The following ZPR1 variants were observed in gnomAD, a reference collection of about 807,000 sequenced individuals.
ZPR1 encodes the protein ZPR1 zinc finger.
A neutral mutation model predicts 59.6 loss-of-function variants in ZPR1; 37 were observed. The observed-to-expected ratio is 0.62, with a 90% confidence interval of 0.48 to 0.82. The LOEUF (loss-of-function observed/expected upper bound fraction) is 0.82, where lower values mean the gene tolerates loss of function less well. ZPR1 is among the 40% of genes least tolerant of loss of function. ZPR1 has a pLI of 0.00. For missense variants in ZPR1, 527 were observed against 579.9 expected, an observed-to-expected ratio of 0.91 and a Z score of 0.94; for synonymous variants, 191 against 215.2, an observed-to-expected ratio of 0.89 and a Z score of 0.99.
chr11:116,783,075 A>G, intron 10 of ZPR1, 46 bp from the exon 11 acceptor site: 1 of 1,518,386 alleles, frequency 6.6e-7, no homozygotes, highest in Non-Finnish European at 9.1e-7. Context: ...GAAGCAAAGA[A>G]AGCCAACCAG....
At position 116,784,930 on chromosome 11, in the gene ZPR1, C is replaced by T; in HGVS notation, c.754-9G>A. The T allele has an allele frequency of 6.2e-7, 1 of 1,614,108 alleles. No individual in the cohort carries two copies. Among genetic ancestry groups the T allele is most frequent in the Middle Eastern group, 1.7e-4 (1 of 6,060 alleles). ...GTGCTGAACTGGAGCACCTGGAACACAACATGAGGACAAAGGGTGAGCCCT... is the reference window on the plus strand; with the variant it reads ...GTGCTGAACTGGAGCACCTGGAACATAACATGAGGACAAAGGGTGAGCCCT... On this transcript the variant is annotated splice_polypyrimidine_tract_variant and intron_variant, in intron 7 of 13. Transcript: ENST00000227322.
In ZPR1 at chr11:116,776,362, C is replaced by T. The variant is rs1251608175; in HGVS notation, c.*2563G>A. ...GCGAGACCCTTTCCCTATCTTTTTA[C>T]CTATAGATGTTATCCCTAGTGTCCT... On this transcript the variant is annotated 3_prime_UTR_variant, in exon 14 of 14. Transcript: ENST00000227322. 6.6e-6 allele frequency: 1 copy of T among 152,184 alleles called. No homozygotes were observed. The highest frequency in any genetic ancestry group is 1.5e-5 in the Non-Finnish European group (1 of 68,040). 9.4% of individuals were successfully genotyped at this position (152,184 alleles called of 1,614,324 possible).
intron 8 of ZPR1, 184 bp from the exon 9 acceptor site, chr11:116,784,632 C>A: frequency 1.2e-6 from 1 of 808,332 alleles, no homozygotes; most frequent in Admixed American, 2.0e-5. Context: ...CCTGTTCACA[C>A]ATTTGAAGGC....
rs1277259032 is a variant in ZPR1, at chr11:116,777,250, G to C, written c.*1675C>G. On this transcript the variant is annotated 3_prime_UTR_variant, in exon 14 of 14. Transcript: ENST00000227322. ...AGATGGTCCACTATCAAATGTGACA[G>C]AAATAGATAACACTTTCCAAGTGGA... The C allele has an allele frequency of 6.6e-6, 1 of 152,252 alleles. No homozygotes were observed. Among genetic ancestry groups the C allele is most frequent in the Non-Finnish European group, 1.5e-5 (1 of 68,040 alleles). 9.4% of individuals were successfully genotyped at this position (152,252 alleles called of 1,614,324 possible).
intron 4 of ZPR1, among the ~76,000 whole-genome samples, chr11:116,786,208 T>C (rs980448495): frequency 2.0e-5 from 3 of 152,160 alleles, no homozygotes; most frequent in Non-Finnish European, 4.4e-5. Flanking sequence ...CTATAATATA[T>C]TACTTCTGTC....
chr11:116,785,395 C>T, intron 6 of ZPR1, 119 bp downstream of exon 6: 4 of 1,455,410 alleles, frequency 2.7e-6, no homozygotes, highest in Non-Finnish European at 3.7e-6. Context: ...ATGAGAAGCA[C>T]AAACAAGCTG....
At chr11:116,785,214 G>C in intron 6 of ZPR1, 68 bp from the exon 7 acceptor site, 3 of 1,568,158 alleles carry the variant, frequency 1.9e-6, no homozygotes, top group Non-Finnish European at 2.6e-6. Context: ...CCCTGCCCTG[G>C]AGTGGGAGAA....
At chr11:116,785,990 G>A in intron 4 of ZPR1, 108 bp from the exon 5 acceptor site, 1 of 954,284 alleles carries the variant, frequency 1.0e-6, no homozygotes, top group Non-Finnish European at 1.7e-6. Context: ...ATCTCAGTGT[G>A]AGTGGAAACA....
At chr11:116,781,256 C>G (rs1465809203) in intron 12 of ZPR1, among the ~76,000 whole-genome samples, 3 of 151,946 alleles carry the variant, frequency 2.0e-5, no homozygotes, top group Non-Finnish European at 4.4e-5. Context: ...TAGAATAATT[C>G]ATGAAAGCTT....
Position 116,779,006 on chromosome 11 carries a change from G to A in ZPR1, c.1299C>T (p.Arg433=), listed in dbSNP as rs2134192976. The stretch of plus-strand genomic sequence containing the variant: ...CTAGCTCCTCATTTTGGTCAAAGGT[G>A]CGCTTGTAACGCTCCACCTTCATCT... ...DPEMKVERYK[R]TFDQNEELGL... The change falls in exon 14 of 14, where the codon CGC becomes CGT. Residue 433 remains arginine, a synonymous_variant. Coordinates refer to ENST00000227322, the MANE Select transcript of ZPR1 (RefSeq NM_003904.5). 1 of 1,614,168 alleles carries A rather than the reference G, an allele frequency of 6.2e-7. No homozygotes were observed. Among genetic ancestry groups the A allele is most frequent in the African/African-American group, 1.3e-5 (1 of 75,038 alleles).
At chr11:116,787,774 C>G in intron 1 of ZPR1, 46 bp downstream of exon 1, 2 of 1,528,484 alleles carry the variant, frequency 1.3e-6, no homozygotes, top group Non-Finnish European at 1.8e-6. Context: ...CTCGTCCCGG[C>G]ACAAGCCCTA....
chr11:116,786,610 G>C, intron 3 of ZPR1, 29 bp from the exon 4 acceptor site: 21 of 1,597,936 alleles, frequency 1.3e-5, no homozygotes, highest in Non-Finnish European at 1.8e-5. Context: ...AGACAAGTGT[G>C]ACTTAGCCTC....
Position 116,785,645 on chromosome 11 carries a change from T to C in ZPR1, c.583-9A>G, listed in dbSNP as rs372191220. 3 of 1,613,886 alleles carry C rather than the reference T, an allele frequency of 1.9e-6. No homozygotes were observed. The highest frequency in any genetic ancestry group is 2.7e-5 in the African/African-American group (2 of 74,900). ...GAGGGATCATCAATGATCTAACAAA[T>C]GGGAGAAGAGAGAGTCACTGCAAAA... On this transcript the variant is annotated splice_polypyrimidine_tract_variant and intron_variant, in intron 5 of 13. Transcript: ENST00000227322.
At chr11:116,787,689 C>T (rs1940910735) in intron 1 of ZPR1, 46 bp from the exon 2 acceptor site, 3 of 1,586,546 alleles carry the variant, frequency 1.9e-6, no homozygotes, top group Non-Finnish European at 8.6e-7. Context: ...ATGAAACTCC[C>T]TTTCCCCGCC....
chr11:116,786,673 G>C (rs776758890), intron 3 of ZPR1, 92 bp from the exon 4 acceptor site: 30 of 1,109,238 alleles, frequency 2.7e-5, no homozygotes, highest in Non-Finnish European at 3.8e-5. Flanking sequence ...TGAACTCTCT[G>C]GGTCTTAATT....
At chr11:116,784,790 A>G in intron 8 of ZPR1, 65 bp downstream of exon 8, 1 of 1,531,574 alleles carries the variant, frequency 6.5e-7, no homozygotes. Flanking sequence ...GGATGCTCCC[A>G]GCCTGATTAT....
intron 7 of ZPR1, 43 bp from the exon 8 acceptor site, chr11:116,784,964 G>A: frequency 6.2e-7 from 1 of 1,611,448 alleles, no homozygotes; most frequent in South Asian, 1.1e-5. Flanking sequence ...CTCCCAGATG[G>A]GATGTTCAGG....
At chr11:116,779,165 T>G in intron 13 of ZPR1, 106 bp from the exon 14 acceptor site, 6 of 1,485,188 alleles carry the variant, frequency 4.0e-6, no homozygotes, top group Non-Finnish European at 5.4e-6. Context: ...TTGGGTTTTT[T>G]TCTTTTTATT....
chr11:116,776,700 A>G lies in ZPR1; in HGVS notation c.*2225T>C, dbSNP rs1289060810. On this transcript the variant is annotated 3_prime_UTR_variant, in exon 14 of 14. Transcript: ENST00000227322. The stretch of plus-strand genomic sequence containing the variant: ...GATTCTGGGAGATTGCCTCACACCA[A>G]CCAAACTCACAAGAGATTCAGTAAT... 4 of 152,286 alleles carry G rather than the reference A, an allele frequency of 2.6e-5. No homozygotes were observed. Among genetic ancestry groups the G allele is most frequent in the South Asian group, 2.1e-4 (1 of 4,826 alleles). The allele number at this position is 152,286 out of a possible 1,614,324, so 9.4% of individuals were successfully genotyped here.
Sources: allele counts gnomAD v4.1 joint callset (sites outside exome capture counted in the v4.1 genomes callset), GRCh38; gene constraint gnomAD v4.1.1; transcripts MANE v1.5; gene names NCBI Gene and HGNC (gene_info 2026-07-23, HGNC 2026-07-21).